The following ADAMTSL5 variants were observed in gnomAD, a reference collection of about 807,000 sequenced individuals.
ADAMTSL5 encodes ADAMTS-like protein 5.
Under a neutral mutation model 51.7 loss-of-function variants are expected in ADAMTSL5, and 53 were observed. The ratio of observed to expected loss-of-function variants is 1.03; its 90% CI spans 0.82 to 1.29. The LOEUF (loss-of-function observed/expected upper bound fraction) is 1.29, where lower values mean the gene tolerates loss of function less well. ADAMTSL5 is among the 50% of genes most tolerant of loss of function. The pLI is 0.00. For missense variants in ADAMTSL5, 770 were observed against 676.2 expected, an observed-to-expected ratio of 1.14 and a Z score of -1.54; for synonymous variants, 285 against 278.7, an observed-to-expected ratio of 1.02 and a Z score of -0.23.
intron 1 of ADAMTSL5, among the ~76,000 whole-genome samples, chr19:1,511,987 G>A (rs534644580): frequency 1.3e-5 from 2 of 152,348 alleles, no homozygotes; most frequent in African/African-American, 2.4e-5. Context: ...GGGAAGGGGA[G>A]GAGGCTGACT....
intron 1 of ADAMTSL5, among the ~76,000 whole-genome samples, chr19:1,512,658 C>T (rs563763745): frequency 1.1e-4 from 17 of 152,080 alleles, no homozygotes; most frequent in Middle Eastern, 3.4e-3. Flanking sequence ...CCAGCCTGGG[C>T]GACATAGTGA....
In ADAMTSL5 at chr19:1,506,071, A is replaced by G; in HGVS notation, c.1360T>C (p.Trp454Arg). Residue 454 changes from tryptophan (W) to arginine (R), a missense_variant, in exon 12 of 12, where the codon TGG becomes CGG. Physicochemically the swap from Trp to Arg is moderately radical, Grantham distance 101 (BLOSUM62 -3). Transcript: ENST00000330475. This position sits in a 1 kb window ranked among gnomAD's most constrained non-coding sequence, Gnocchi z 5.6. ...ATGCGGCTGTCCTCCGCAGGGCTCC[A>G]GGGCCGGGCGTAGCCGGCGTGGGGC... is the stretch of plus-strand genomic sequence containing the variant. ...LLPHAGYARP[W>R]SPAEDSRIRL... 6.3e-7 allele frequency: 1 copy of G among 1,597,114 alleles called. No individual in the cohort carries two copies. Among genetic ancestry groups the G allele is most frequent in the South Asian group, 1.1e-5 (1 of 89,442 alleles).
intron 9 of ADAMTSL5, 84 bp from the exon 10 acceptor site, chr19:1,507,012 A>C (rs1170089702): frequency 7.1e-7 from 1 of 1,412,148 alleles, no homozygotes; most frequent in African/African-American, 1.5e-5. Flanking sequence ...CAGCCTCCCC[A>C]CTTTGATCCT....
In ADAMTSL5 at chr19:1,508,504, A is replaced by T. The variant is rs753045010; in HGVS notation, c.428T>A (p.Val143Asp). The T allele has an allele frequency of 3.2e-6, 5 of 1,587,144 alleles. No individual in the cohort carries two copies. In the South Asian group the frequency reaches 5.6e-5, roughly 18 times the overall value. The change falls in exon 6 of 12, where the codon GTC (valine) becomes GAC (aspartate). Residue 143 changes from valine to aspartate, a missense_variant. Coordinates refer to ENST00000330475, the MANE Select transcript of ADAMTSL5 (RefSeq NM_213604.3). ...CGGGCTGCAGGCGGTGCCGTCCAGGACGCGGCCGAAGCTGTGGTAGAAGGC... is the reference window on the plus strand; with the variant it reads ...CGGGCTGCAGGCGGTGCCGTCCAGGTCGCGGCCGAAGCTGTGGTAGAAGGC... ...GHAFYHSFGR[V>D]LDGTACSPGA... is the part of the protein sequence containing the mutation.
In ADAMTSL5 at chr19:1,511,122, G is replaced by A. The variant is rs377120457; in HGVS notation, c.-179C>T. The A allele has an allele frequency of 7.1e-6, 3 of 423,214 alleles. No homozygotes were observed. Among genetic ancestry groups the A allele is most frequent in the Non-Finnish European group, 1.2e-5 (3 of 245,018 alleles). The allele number at this position is 423,214 out of a possible 1,614,324, so 26.2% of individuals were successfully genotyped here. A position where few individuals can be genotyped will look rare whatever the true frequency, so the allele number is the denominator to read the frequency against. On this transcript the variant is annotated 5_prime_UTR_variant, in exon 2 of 12. The change creates a new upstream start codon in the 5' untranslated region. Transcript: ENST00000330475. ...GGATCAGGTAAAGAAGACAGGAGAC[G>A]TGGAGCCCGGTATGGAGAGGAAGAA...
At chr19:1,512,701 A>T (rs1219783040) in intron 1 of ADAMTSL5, among the ~76,000 whole-genome samples, 1 of 151,064 alleles carries the variant, frequency 6.6e-6, no homozygotes, top group African/African-American at 2.4e-5. Flanking sequence ...ACCAACCAAA[A>T]AAAACAGGGG....
At chr19:1,509,806 G>A (rs946202221) in intron 5 of ADAMTSL5, among the ~76,000 whole-genome samples, 1 of 152,104 alleles carries the variant, frequency 6.6e-6, no homozygotes, top group African/African-American at 2.4e-5. Flanking sequence ...CCTGAAATCT[G>A]GAGGCGCACT....
rs1913042782 is a variant in ADAMTSL5, at chr19:1,508,002, G to A, written c.597C>T (p.Asp199=). The change falls in exon 7 of 12, where the codon GAC becomes GAT. Residue 199 remains aspartate, a synonymous_variant. Transcript: ENST00000330475. ...GAGGGCGGGGCAGGTAGTCACCGGC[G>A]TCACGAAACACGCGCTGCACGAAAA... ...SCLFVQRVFR[D]AGAFAGYWNV... is the part of the protein sequence containing the mutation. The A allele has an allele frequency of 6.3e-7, 1 of 1,594,480 alleles. No individual in the cohort carries two copies. The highest frequency in any genetic ancestry group is 8.5e-7 in the Non-Finnish European group (1 of 1,171,404).
At chr19:1,511,512 C>G in intron 1 of ADAMTSL5, 1 of 1,181,106 alleles carries the variant, frequency 8.5e-7, no homozygotes, top group Non-Finnish European at 1.1e-6. Flanking sequence ...ATAATGCAGA[C>G]AGTAGGTGCT....
At chr19:1,507,485 C>T (rs1320058400) in intron 8 of ADAMTSL5, 72 bp downstream of exon 8, 3 of 1,611,574 alleles carry the variant, frequency 1.9e-6, no homozygotes, top group East Asian at 2.2e-5. Context: ...GCCTCAGTCT[C>T]CCCATCTGTA....
At chr19:1,507,664 G>A (rs759899356) in intron 7 of ADAMTSL5, 21 bp from the exon 8 acceptor site, 2 of 1,608,042 alleles carry the variant, frequency 1.2e-6, no homozygotes, top group South Asian at 2.2e-5. Context: ...GGGTAGGAGG[G>A]TGTTGGGGTG....
Position 1,507,610 on chromosome 19 carries a change from A to T in ADAMTSL5, c.635T>A (p.Ile212Asn). The T allele has an allele frequency of 6.2e-7, 1 of 1,613,286 alleles. No homozygotes were observed. The highest frequency in any genetic ancestry group is 1.1e-5 in the South Asian group (1 of 91,074). Residue 212 changes from isoleucine (I) to asparagine (N), a missense_variant, in exon 8 of 12, where the codon ATC becomes AAC. Physicochemically the swap from Ile to Asn is moderately radical, Grantham distance 149 (BLOSUM62 -3). Transcript: ENST00000330475. The stretch of plus-strand genomic sequence containing the variant: ...GCGGATGTGTCTGGCGCCCTCGGGG[A>T]TCAGGGTCACGTTCCAGTACCCAGC... ...AFAGYWNVTL[I>N]PEGARHIRVE... is the part of the protein sequence containing the mutation.
intron 5 of ADAMTSL5, 107 bp from the exon 6 acceptor site, chr19:1,508,677 A>G: frequency 7.1e-7 from 1 of 1,400,782 alleles, no homozygotes; most frequent in Middle Eastern, 1.8e-4. Context: ...AAGCCCAGAG[A>G]TTTGGCCAAA....
At position 1,508,019 on chromosome 19, in the gene ADAMTSL5, G is replaced by A; in HGVS notation, c.580C>T (p.Gln194Ter). Residue 194 changes from glutamine (Q) to a stop codon, truncating the protein, a stop_gained, in exon 7 of 12, where the codon CAG (glutamine) becomes TAG (stop). Coordinates refer to ENST00000330475, the MANE Select transcript of ADAMTSL5 (RefSeq NM_213604.3). LOFTEE classifies it high-confidence loss of function. ...TCACCGGCGTCACGAAACACGCGCT[G>A]CACGAAAAGGCACGAGTCGTTGGCG... ...GGANDSCLFVQRVFRDAGAFA... is the reference protein window; with the variant it reads ...GGANDSCLFV 6.2e-7 allele frequency: 1 copy of A among 1,603,648 alleles called. No individual in the cohort carries two copies. The highest frequency in any genetic ancestry group is 8.5e-7 in the Non-Finnish European group (1 of 1,175,914).
intron 1 of ADAMTSL5, chr19:1,511,483 T>G: frequency 1.8e-6 from 2 of 1,084,824 alleles, no homozygotes; most frequent in Non-Finnish European, 2.3e-6. Context: ...TACAATATTA[T>G]TGATATGTGT....
chr19:1,512,096 G>C lies in ADAMTSL5; in HGVS notation c.-218+867C>G, dbSNP rs562212571. On this transcript the variant is annotated intron_variant, in intron 1 of 11. Transcript: ENST00000330475. ...GACCCCAGCCTGCAGGGGGAAAGAG[G>C]GGGGAAGGGAAGCAGCCGCCAAGTG... Among the ~76,000 whole-genome samples the C allele has an allele frequency of 1.2e-3, 177 of 152,298 alleles. 3 individuals carry two copies. Among genetic ancestry groups the C allele is most frequent in the Non-Finnish European group, 1.3e-3 (90 of 68,028 alleles).
chr19:1,507,930 T>C, intron 7 of ADAMTSL5, 68 bp downstream of exon 7: 2 of 1,498,146 alleles, frequency 1.3e-6, no homozygotes, highest in Non-Finnish European at 1.8e-6. Flanking sequence ...GGAAATTTGC[T>C]TCCGGGCCAC....
chr19:1,510,496 G>A (rs1343432054), intron 3 of ADAMTSL5, 68 bp from the exon 4 acceptor site: 19 of 1,523,798 alleles, frequency 1.2e-5, no homozygotes, highest in East Asian at 7.3e-5. Context: ...TCCACCCTCC[G>A]CCCCCGCCAA....
intron 7 of ADAMTSL5, 55 bp from the exon 8 acceptor site, chr19:1,507,698 T>G (rs573902226): frequency 6.5e-7 from 1 of 1,543,838 alleles, no homozygotes; most frequent in African/African-American, 1.4e-5. Flanking sequence ...ATTTGAGCGA[T>G]GACTTGAGGA....
Sources: gnomAD v4.1 joint callset for allele counts (sites outside exome capture counted in the v4.1 genomes callset) on GRCh38, gnomAD v4.1.1 for gene constraint, Gnocchi (gnomAD v3.1) non-coding constraint, MANE v1.5 for transcripts, NCBI Gene and HGNC (gene_info 2026-07-23, HGNC 2026-07-21) for gene names.